ULK4: variants seen among roughly 807,000 people sequenced by gnomAD.
The protein encoded by ULK4 is inactive serine/threonine-protein kinase ULK4.
In ULK4, 133 loss-of-function variants were observed where a neutral mutation model predicts 160.6. The ratio of observed to expected loss-of-function variants is 0.83; its 90% CI spans 0.72 to 0.96. ULK4 has a LOEUF of 0.96. Ranked by LOEUF, ULK4 falls within the 40% of genes least tolerant of loss-of-function variation. The probability of loss-of-function intolerance (pLI) is 0.00; values close to 1 mark genes in which losing one functional copy is unlikely to be tolerated. For missense variants in ULK4, 1,580 were observed against 1,499.5 expected, an observed-to-expected ratio of 1.05 and a Z score of -0.89; for synonymous variants, 534 against 539.8, an observed-to-expected ratio of 0.99 and a Z score of 0.15.
At chr3:41,601,013 C>T (rs1157781453) in intron 31 of ULK4, among the ~76,000 whole-genome samples, 2 of 152,034 alleles carry the variant, frequency 1.3e-5, no homozygotes, top group African/African-American at 4.8e-5. Flanking sequence ...GAACAAGACC[C>T]TTATTTAAAA....
intron 34 of ULK4, among the ~76,000 whole-genome samples, chr3:41,406,204 G>A: frequency 6.6e-6 from 1 of 152,246 alleles, no homozygotes; most frequent in Admixed American, 6.5e-5. Flanking sequence ...AGCTATTCCA[G>A]CACCATTTAC....
At chr3:41,637,950 T>C (rs1286905632) in intron 30 of ULK4, among the ~76,000 whole-genome samples, 2 of 152,206 alleles carry the variant, frequency 1.3e-5, no homozygotes, top group African/African-American at 4.8e-5. Context: ...CCTTATCTGA[T>C]GTACGGTTTA....
Position 41,463,153 on chromosome 3 carries a change from A to G in ULK4, c.3327T>C (p.Phe1109=). The G allele has an allele frequency of 6.2e-7, 1 of 1,613,820 alleles. No individual in the cohort carries two copies. Among genetic ancestry groups the G allele is most frequent in the Non-Finnish European group, 8.5e-7 (1 of 1,179,804 alleles). Residue 1109 remains phenylalanine (F), a synonymous_variant, in exon 33 of 37, where the codon TTT becomes TTC. Coordinates refer to ENST00000301831, the MANE Select transcript of ULK4 (RefSeq NM_017886.4). Reference sequence around the variant, plus strand: ...TGCTGTGCAAAATATCAAGCAGGGAAAAGAGCAGTGGAGCTGCCATCTCAT... The same window carrying G: ...TGCTGTGCAAAATATCAAGCAGGGAGAAGAGCAGTGGAGCTGCCATCTCAT... ...NNNEMAAPLL[F]SLLDILHSML...
chr3:41,961,178 C>T (rs140488651), intron 1 of ULK4, among the ~76,000 whole-genome samples: 8 of 152,252 alleles, frequency 5.3e-5, no homozygotes, highest in African/African-American at 1.4e-4. Flanking sequence ...ATTTAAGAGT[C>T]GGGGGCAGGT....
intron 34 of ULK4, among the ~76,000 whole-genome samples, chr3:41,436,194 A>T (rs1260721419): frequency 1.3e-5 from 2 of 152,178 alleles, no homozygotes; most frequent in Non-Finnish European, 2.9e-5. Flanking sequence ...ATTTTGACCA[A>T]CTAATGGCTA....
chr3:41,859,710 T>C (rs1025836977), intron 17 of ULK4: 11 of 364,474 alleles, frequency 3.0e-5, no homozygotes, highest in African/African-American at 2.4e-4. Flanking sequence ...CAGGCTGGAG[T>C]GCAGTGGCAC....
intron 21 of ULK4, among the ~76,000 whole-genome samples, chr3:41,783,584 G>C (rs1343478823): frequency 6.6e-6 from 1 of 151,378 alleles, no homozygotes; most frequent in Non-Finnish European, 1.5e-5. Flanking sequence ...ATGTTGTCCA[G>C]GCAGGCCTTG....
intron 32 of ULK4, among the ~76,000 whole-genome samples, chr3:41,475,203 G>A (rs1321487553): frequency 1.3e-5 from 2 of 152,158 alleles, no homozygotes; most frequent in African/African-American, 4.8e-5. Flanking sequence ...ATGGATGGAC[G>A]TGGAAAGCAT....
At chr3:41,730,548 A>T (rs988555544) in intron 22 of ULK4, among the ~76,000 whole-genome samples, 4 of 152,188 alleles carry the variant, frequency 2.6e-5, no homozygotes, top group African/African-American at 9.6e-5. Flanking sequence ...GGATACACGC[A>T]GTCTATCAAA....
At chr3:41,921,438 C>T (rs948309957) in intron 5 of ULK4, among the ~76,000 whole-genome samples, 11 of 151,698 alleles carry the variant, frequency 7.3e-5, no homozygotes, top group African/African-American at 2.2e-4. Flanking sequence ...GGTAAAACCC[C>T]GTCTCTCATA....
chr3:41,633,414 CT>C (rs2125706093), intron 30 of ULK4, among the ~76,000 whole-genome samples: 1 of 152,216 alleles, frequency 6.6e-6, no homozygotes. Flanking sequence ...TCTGCGTTTG[CT>C]TTTATGATAT....
chr3:41,579,428 C>G (rs533480012), intron 31 of ULK4, among the ~76,000 whole-genome samples: 6 of 151,614 alleles, frequency 4.0e-5, no homozygotes, highest in African/African-American at 1.5e-4. Flanking sequence ...TCCACAGATG[C>G]TAGCTCCAAA....
At chr3:41,465,655 C>T (rs2083813921) in intron 32 of ULK4, among the ~76,000 whole-genome samples, 2 of 152,102 alleles carry the variant, frequency 1.3e-5, no homozygotes, top group African/African-American at 4.8e-5. Flanking sequence ...GGAACTGTTC[C>T]TATATCCCTA....
At chr3:41,810,853 T>C (rs1360159651) in intron 19 of ULK4, among the ~76,000 whole-genome samples, 3 of 152,156 alleles carry the variant, frequency 2.0e-5, no homozygotes, top group Non-Finnish European at 4.4e-5. Flanking sequence ...GTTAGTAATG[T>C]ACCTTACTGA....
chr3:41,399,621 T>G (rs1575513579), intron 34 of ULK4, among the ~76,000 whole-genome samples: 1 of 152,278 alleles, frequency 6.6e-6, no homozygotes, highest in East Asian at 1.9e-4. Context: ...TCACCCAGGC[T>G]GGAGTGCAGT....
chr3:41,655,916 C>T lies in ULK4; in HGVS notation c.3071+7691G>A, dbSNP rs140795961. Among the ~76,000 whole-genome samples the T allele has an allele frequency of 4.2e-3, 638 of 152,266 alleles. 1 individual carries two copies. The highest frequency in any genetic ancestry group is 7.2e-3 in the Non-Finnish European group (491 of 68,028). On this transcript the variant is annotated intron_variant, in intron 30 of 36. Coordinates refer to ENST00000301831, the MANE Select transcript of ULK4 (RefSeq NM_017886.4). Reference sequence around the variant, plus strand: ...TATAAAAGAATATGGCAAAGCCTAACTTTATTAAGGCATATAATAAATTGA... The same window carrying T: ...TATAAAAGAATATGGCAAAGCCTAATTTTATTAAGGCATATAATAAATTGA...
chr3:41,949,012 T>C (rs951170136), intron 2 of ULK4, among the ~76,000 whole-genome samples: 3 of 152,062 alleles, frequency 2.0e-5, no homozygotes, highest in African/African-American at 7.2e-5. Flanking sequence ...ATTTTATATG[T>C]AGAAAACCCT....
intron 22 of ULK4, among the ~76,000 whole-genome samples, chr3:41,747,340 T>A (rs1389782001): frequency 6.6e-6 from 1 of 151,908 alleles, no homozygotes; most frequent in Non-Finnish European, 1.5e-5. Flanking sequence ...GCTCCTGCAT[T>A]CTTTTTAACA....
chr3:41,621,061 TG>T (rs2033221219), intron 30 of ULK4, among the ~76,000 whole-genome samples: 1 of 152,100 alleles, frequency 6.6e-6, no homozygotes, highest in African/African-American at 2.4e-5. Flanking sequence ...TTACAAGGGA[TG>T]TGAAGGACCT....
Sources: allele counts gnomAD v4.1 joint callset (sites outside exome capture counted in the v4.1 genomes callset), GRCh38; gene constraint gnomAD v4.1.1; transcripts MANE v1.5; gene names NCBI Gene and HGNC (gene_info 2026-07-23, HGNC 2026-07-21).